The following USP25 variants were observed in gnomAD, a reference collection of about 807,000 sequenced individuals.
USP25 encodes ubiquitin carboxyl-terminal hydrolase 25.
Under a neutral mutation model 158.5 loss-of-function variants are expected in USP25, and 85 were observed. The ratio of observed to expected loss-of-function variants is 0.54; its 90% CI spans 0.45 to 0.64. The LOEUF is 0.64. Ranked by LOEUF, USP25 falls within the 30% of genes least tolerant of loss-of-function variation. USP25 has a pLI of 0.00. For synonymous variants in USP25, 464 were observed against 460.4 expected (o/e 1.01, Z -0.10); for missense variants, 1,242 against 1,327.3 (o/e 0.94, Z 1.00).
intron 20 of USP25, among the ~76,000 whole-genome samples, chr21:15,856,791 T>G (rs558774064): frequency 2.0e-5 from 3 of 152,274 alleles, no homozygotes; most frequent in South Asian, 2.1e-4. Context: ...TCTATTTGCT[T>G]CTTTTTCTTG....
At chr21:15,812,274 G>A (rs1214314402) in intron 9 of USP25, among the ~76,000 whole-genome samples, 1 of 152,082 alleles carries the variant, frequency 6.6e-6, no homozygotes, top group African/African-American at 2.4e-5. Context: ...ATCAGGTCAT[G>A]ACTAGGCACT....
chr21:15,738,827 A>G (rs2031763791), intron 1 of USP25, among the ~76,000 whole-genome samples: 1 of 152,158 alleles, frequency 6.6e-6, no homozygotes, highest in African/African-American at 2.4e-5. Context: ...CCCCTGACCT[A>G]ATCAGTTATG....
At position 15,791,728 on chromosome 21, in the gene USP25, T is replaced by C. The variant is rs1232399474; in HGVS notation, c.555+64T>C. ...GTGATAGCAATGGAAAGTGAGTTGG[T>C]TGTGTTTAAGTTGTGTACTTTAAAG... On this transcript the variant is annotated intron_variant, in intron 5 of 25. Transcript: ENST00000400183. The C allele has an allele frequency of 9.2e-6, 14 of 1,523,580 alleles. No homozygotes were observed. The Admixed American group carries it at 2.6e-4, about 29-fold the overall frequency. 94.4% of individuals were successfully genotyped at this position (1,523,580 alleles called of 1,614,324 possible). A position where few individuals can be genotyped will look rare whatever the true frequency, so the allele number is the denominator to read the frequency against.
At chr21:15,732,804 C>T (rs933737102) in intron 1 of USP25, among the ~76,000 whole-genome samples, 2 of 151,934 alleles carry the variant, frequency 1.3e-5, no homozygotes, top group Non-Finnish European at 2.9e-5. Flanking sequence ...TTTTGGTTCG[C>T]CTATAGAATT....
intron 23 of USP25, 55 bp downstream of exon 23, chr21:15,870,202 T>C (rs2039827395): frequency 7.7e-7 from 1 of 1,295,622 alleles, no homozygotes; most frequent in Admixed American, 1.9e-5. Flanking sequence ...TTAATTCTAT[T>C]CAGGTGTGAC....
In USP25 at chr21:15,799,038, A is replaced by C. The variant is rs149737927; in HGVS notation, c.556-719A>C. Among the ~76,000 whole-genome samples, 1,185 of 151,410 alleles carry C rather than the reference A, an allele frequency of 7.8e-3. 8 individuals carry two copies. Among genetic ancestry groups the C allele is most frequent in the Non-Finnish European group, 0.011 (734 of 67,406 alleles). Reference sequence around the variant, plus strand: ...CAAGTGTGTAAAATATCTACAATGAAAATTTTGCAAGAAAATACTCTGATG... The same window carrying C: ...CAAGTGTGTAAAATATCTACAATGACAATTTTGCAAGAAAATACTCTGATG... On this transcript the variant is annotated intron_variant, in intron 5 of 25. Transcript: ENST00000400183.
chr21:15,824,789 G>T (rs528449648), intron 11 of USP25, among the ~76,000 whole-genome samples, 177 bp from the exon 12 acceptor site: 1 of 152,230 alleles, frequency 6.6e-6, no homozygotes, highest in South Asian at 2.1e-4. Flanking sequence ...GCTAATTTTT[G>T]TATTTTAGTA....
intron 14 of USP25, among the ~76,000 whole-genome samples, chr21:15,827,663 G>T (rs1274405730): frequency 6.6e-6 from 1 of 151,972 alleles, no homozygotes; most frequent in Non-Finnish European, 1.5e-5. Flanking sequence ...GAGTATCTAT[G>T]ATCCCATTAC....
At chr21:15,865,233 C>T (rs1427563332) in intron 21 of USP25, among the ~76,000 whole-genome samples, 1 of 151,882 alleles carries the variant, frequency 6.6e-6, no homozygotes, top group Non-Finnish European at 1.5e-5. Flanking sequence ...AATTTCAGGG[C>T]CCATGTGAAA....
intron 1 of USP25, among the ~76,000 whole-genome samples, chr21:15,747,924 T>A (rs1280069557): frequency 2.6e-5 from 4 of 152,252 alleles, no homozygotes; most frequent in Non-Finnish European, 5.9e-5. Context: ...CTTTTTATTC[T>A]CTTTATGTAC....
At chr21:15,846,122 G>GTATATA (rs34210530) in intron 18 of USP25, among the ~76,000 whole-genome samples, 118 of 55,718 alleles carry the variant, frequency 2.1e-3, no homozygotes, top group Non-Finnish European at 3.2e-3. Flanking sequence ...GTGTGTGTGT[G>GTATATA]TATATATATA....
At chr21:15,835,680 A>T (rs2038031616) in intron 17 of USP25, among the ~76,000 whole-genome samples, 1 of 152,328 alleles carries the variant, frequency 6.6e-6, no homozygotes, top group East Asian at 1.9e-4. Context: ...CTATTCCTAG[A>T]TAACTTTTAT....
chr21:15,847,975 G>A (rs1048028747), intron 19 of USP25, among the ~76,000 whole-genome samples, 199 bp downstream of exon 19: 16 of 152,068 alleles, frequency 1.1e-4, no homozygotes, highest in African/African-American at 3.9e-4. Flanking sequence ...AAAACTTATG[G>A]AATTTGTCAA....
At chr21:15,824,857 C>A (rs376073003) in intron 11 of USP25, 109 bp from the exon 12 acceptor site, 1 of 799,700 alleles carries the variant, frequency 1.3e-6, no homozygotes. Flanking sequence ...CTCAGGTGAT[C>A]CTCCCGCCTT....
chr21:15,825,096 T>C (rs1236648257), intron 12 of USP25, 35 bp downstream of exon 12: 2 of 1,474,762 alleles, frequency 1.4e-6, no homozygotes, highest in South Asian at 1.2e-5. Context: ...GAGATAATTA[T>C]CAGAAACCAT....
At chr21:15,817,012 A>G (rs1015288319) in intron 9 of USP25, among the ~76,000 whole-genome samples, 1 of 151,898 alleles carries the variant, frequency 6.6e-6, no homozygotes, top group South Asian at 2.1e-4. Flanking sequence ...GGCGCCTGTA[A>G]TCCCAGCTAC....
intron 23 of USP25, among the ~76,000 whole-genome samples, chr21:15,872,016 T>TC (rs936877595): frequency 1.1e-5 from 1 of 91,268 alleles, no homozygotes; most frequent in Non-Finnish European, 2.2e-5. Context: ...GAAATACTGT[T>TC]TTTTTTTTTT....
At chr21:15,774,009 C>A (rs2242677) in intron 3 of USP25, among the ~76,000 whole-genome samples, 26,051 of 151,866 alleles carry the variant, frequency 0.17, 2,250 homozygotes, top group Non-Finnish European at 0.18. Context: ...CTGGCTTTAC[C>A]CAGATAATAA....
intron 1 of USP25, among the ~76,000 whole-genome samples, chr21:15,755,611 A>G (rs369132194): frequency 6.6e-5 from 10 of 152,252 alleles, no homozygotes; most frequent in African/African-American, 2.2e-4. Context: ...AACTTTCTAG[A>G]GGGTGTGTGG....
Sources: allele counts gnomAD v4.1 joint callset (sites outside exome capture counted in the v4.1 genomes callset), GRCh38; gene constraint gnomAD v4.1.1; transcripts MANE v1.5; gene names NCBI Gene and HGNC (gene_info 2026-07-23, HGNC 2026-07-21).